The following SCOC variants were observed in gnomAD, a reference collection of about 807,000 sequenced individuals.
The protein encoded by SCOC is short coiled coil protein.
In SCOC, 7 loss-of-function variants were observed where a neutral mutation model predicts 9.9. The observed-to-expected ratio is 0.71, with a 90% CI of 0.40 to 1.33. The LOEUF (loss-of-function observed/expected upper bound fraction) is 1.33. Ranked by LOEUF, SCOC falls within the 40% of genes most tolerant of loss-of-function variation. SCOC has a pLI of 0.01. For missense variants in SCOC, 66 were observed against 89.7 expected, an observed-to-expected ratio of 0.74 and a Z score of 1.07; for synonymous variants, 19 against 28.2, an observed-to-expected ratio of 0.67 and a Z score of 1.03.
chr4:140,340,916 T>C (rs149949126), upstream of SCOC, among the ~76,000 whole-genome samples: 3,163 of 148,854 alleles, frequency 0.021, 115 homozygotes, highest in African/African-American at 0.074. Context: ...CTCAGCCTCC[T>C]GAGTAGCTGG....
upstream of SCOC, among the ~76,000 whole-genome samples, chr4:140,372,667 A>G (rs1728104591): frequency 6.6e-6 from 1 of 152,256 alleles, no homozygotes; most frequent in Non-Finnish European, 1.5e-5. Context: ...AGCTCTTAAA[A>G]TGATTAAGGC....
intron 1 of SCOC, among the ~76,000 whole-genome samples, chr4:140,280,711 T>C (rs1731078751): frequency 6.6e-6 from 1 of 152,242 alleles, no homozygotes; most frequent in Non-Finnish European, 1.5e-5. Flanking sequence ...GCTCTGTATA[T>C]ATCACCTTAT....
At chr4:140,268,122 C>G (rs193155483) in intron 1 of SCOC, among the ~76,000 whole-genome samples, 12 of 152,318 alleles carry the variant, frequency 7.9e-5, no homozygotes, top group Admixed American at 7.2e-4. Flanking sequence ...GAAGGATTCA[C>G]TAAAAGAGAG....
rs900511061 is a variant in SCOC at position 140,268,535 on chromosome 4, T to G, written c.-19+11125T>G. Among the ~76,000 whole-genome samples, 4 of 152,222 alleles carry G rather than the reference T, an allele frequency of 2.6e-5. 1 individual carries two copies. The highest frequency in any genetic ancestry group is 9.6e-5 in the African/African-American group (4 of 41,458). Reference sequence around the variant, plus strand: ...TGCTGGAAGAGCACGAGCTGCATGTTTAAATGACTTTTTGTTTTCCCTTTT... The same window carrying G: ...TGCTGGAAGAGCACGAGCTGCATGTGTAAATGACTTTTTGTTTTCCCTTTT... On this transcript the variant is annotated intron_variant, in intron 1 of 4. Coordinates refer to the SCOC transcript ENST00000394205.
intron 1 of SCOC, among the ~76,000 whole-genome samples, chr4:140,274,412 A>T (rs191533473): frequency 1.2e-3 from 187 of 152,162 alleles, no homozygotes; most frequent in African/African-American, 4.3e-3. Flanking sequence ...TATTTCTTTG[A>T]TTTCTCCTTG....
intron 1 of SCOC, among the ~76,000 whole-genome samples, chr4:140,268,544 T>A (rs1389979747): frequency 1.3e-5 from 2 of 152,194 alleles, no homozygotes; most frequent in Admixed American, 1.3e-4. Context: ...TTTAAATGAC[T>A]TTTTGTTTTC....
intron 2 of SCOC, among the ~76,000 whole-genome samples, chr4:140,346,939 G>A (rs1726765562): frequency 6.6e-6 from 1 of 152,100 alleles, no homozygotes; most frequent in Admixed American, 6.6e-5. Context: ...ATTGAACTAT[G>A]TATCTTTCAA....
At chr4:140,274,081 CGTT>C (rs1730923305) in intron 1 of SCOC, among the ~76,000 whole-genome samples, 1 of 152,114 alleles carries the variant, frequency 6.6e-6, no homozygotes, top group African/African-American at 2.4e-5. Flanking sequence ...GAAAGAAACT[CGTT>C]GTACATTTAA....
intron 1 of SCOC, among the ~76,000 whole-genome samples, chr4:140,295,364 C>T (rs1391430414): frequency 6.6e-6 from 1 of 152,154 alleles, no homozygotes; most frequent in Non-Finnish European, 1.5e-5. Flanking sequence ...CATCAGCACA[C>T]CCCACCACTC....
intron 2 of SCOC, among the ~76,000 whole-genome samples, chr4:140,353,567 C>T (rs536280940): frequency 2.6e-5 from 4 of 152,202 alleles, no homozygotes; most frequent in South Asian, 2.1e-4. Flanking sequence ...CACGCCACCA[C>T]GCCCGGCTAA....
chr4:140,336,054 G>C (rs1560706655), intron 1 of SCOC, among the ~76,000 whole-genome samples: 1 of 152,044 alleles, frequency 6.6e-6, no homozygotes, highest in South Asian at 2.1e-4. Context: ...TGGCCCTCTT[G>C]ATTCTATGAT....
At chr4:140,265,678 A>G (rs1730717594) in intron 1 of SCOC, among the ~76,000 whole-genome samples, 1 of 152,226 alleles carries the variant, frequency 6.6e-6, no homozygotes, top group African/African-American at 2.4e-5. Flanking sequence ...ACAAGAGTAG[A>G]CTACAGTTTG....
intron 1 of SCOC, chr4:140,291,517 A>C: frequency 2.2e-6 from 1 of 457,398 alleles, no homozygotes; most frequent in Non-Finnish European, 4.4e-6. Context: ...CACAAGGTCC[A>C]GGTCTCCTGG....
intron 2 of SCOC, among the ~76,000 whole-genome samples, chr4:140,351,652 C>A (rs1726983479): frequency 6.6e-6 from 1 of 151,798 alleles, no homozygotes; most frequent in Non-Finnish European, 1.5e-5. Context: ...TGTAACAATA[C>A]CCCCTCACGC....
chr4:140,266,483 T>C (rs1473728756), intron 1 of SCOC, among the ~76,000 whole-genome samples: 1 of 151,782 alleles, frequency 6.6e-6, no homozygotes, highest in Non-Finnish European at 1.5e-5. Context: ...CCCCAGAGAG[T>C]GAGGTGCTAC....
chr4:140,352,123 C>A (rs1453728436), intron 2 of SCOC, among the ~76,000 whole-genome samples: 4 of 152,176 alleles, frequency 2.6e-5, no homozygotes, highest in Admixed American at 2.0e-4. Context: ...GACTAGAGAA[C>A]CCCCTGCCAC....
chr4:140,372,804 T>C (rs1728110790), upstream of SCOC, among the ~76,000 whole-genome samples: 1 of 152,254 alleles, frequency 6.6e-6, no homozygotes, highest in Non-Finnish European at 1.5e-5. Context: ...GTCTACCTTG[T>C]ACTCAACGAA....
At chr4:140,332,421 G>A (rs1341436411) in intron 1 of SCOC, among the ~76,000 whole-genome samples, 2 of 138,882 alleles carry the variant, frequency 1.4e-5, no homozygotes, top group African/African-American at 5.3e-5. Context: ...ACCCAGGCTG[G>A]AGTGCAGAGT....
At chr4:140,287,518 C>T (rs1209907074) in intron 1 of SCOC, among the ~76,000 whole-genome samples, 1 of 151,644 alleles carries the variant, frequency 6.6e-6, no homozygotes, top group Non-Finnish European at 1.5e-5. Flanking sequence ...TACCATACAC[C>T]ACACATATGT....
Sources: allele counts gnomAD v4.1 joint callset (sites outside exome capture counted in the v4.1 genomes callset), GRCh38; gene constraint gnomAD v4.1.1; transcripts MANE v1.5; gene names NCBI Gene and HGNC (gene_info 2026-07-23, HGNC 2026-07-21).